HLCS: variants seen among roughly 807,000 people sequenced by gnomAD.
HLCS encodes the protein biotin--protein ligase.
Under a neutral mutation model 75.0 loss-of-function variants are expected in HLCS, and 53 were observed. The observed-to-expected ratio is 0.71, with a 90% CI of 0.57 to 0.89. The LOEUF is 0.89. HLCS is among the 40% of genes least tolerant of loss of function. HLCS has a pLI of 0.00. For synonymous variants in HLCS, 431 were observed against 428.6 expected, an observed-to-expected ratio of 1.01 and a Z score of -0.07; for missense variants, 966 against 1,074.0, an observed-to-expected ratio of 0.90 and a Z score of 1.41.
intron 6 of HLCS, among the ~76,000 whole-genome samples, chr21:36,771,142 C>T (rs2060193230): frequency 6.6e-6 from 1 of 152,052 alleles, no homozygotes; most frequent in African/African-American, 2.4e-5. Flanking sequence ...ATGGCGTGAA[C>T]CCGGGAGGCA....
At chr21:36,814,835 A>G (rs150667355) in intron 6 of HLCS, among the ~76,000 whole-genome samples, 1,535 of 152,250 alleles carry the variant, frequency 0.01, 22 homozygotes, top group African/African-American at 0.035. Context: ...CTGGTTCAAA[A>G]TTCGTTTCAC....
intron 6 of HLCS, among the ~76,000 whole-genome samples, chr21:36,813,233 T>C (rs2061562675): frequency 6.6e-6 from 1 of 152,248 alleles, no homozygotes; most frequent in African/African-American, 2.4e-5. Context: ...TTGCTCATGA[T>C]ACTAAGCAAC....
intron 6 of HLCS, among the ~76,000 whole-genome samples, chr21:36,857,107 T>C (rs1451639560): frequency 6.6e-6 from 1 of 152,152 alleles, no homozygotes; most frequent in African/African-American, 2.4e-5. Flanking sequence ...TCTACCAAAA[T>C]AGGTCAAACA....
chr21:36,782,312 T>G (rs190191748), intron 6 of HLCS, among the ~76,000 whole-genome samples: 1 of 152,338 alleles, frequency 6.6e-6, no homozygotes, highest in Non-Finnish European at 1.5e-5. Flanking sequence ...TTTTGATTTC[T>G]TCTTGAAATA....
intron 5 of HLCS, among the ~76,000 whole-genome samples, chr21:36,921,314 G>A (rs574092752): frequency 1.3e-5 from 2 of 152,286 alleles, no homozygotes; most frequent in South Asian, 4.2e-4. Context: ...GCGTGGTGGT[G>A]TGTGCCTATA....
chr21:36,919,485 A>C (rs1022897114), intron 5 of HLCS, among the ~76,000 whole-genome samples: 1 of 152,230 alleles, frequency 6.6e-6, no homozygotes, highest in African/African-American at 2.4e-5. Flanking sequence ...AAGTGTTCCC[A>C]CTGCATACGT....
In HLCS at chr21:36,946,438, C is replaced by T. The variant is rs538346678; in HGVS notation, c.331-7444G>A. On this transcript the variant is annotated intron_variant, in intron 2 of 10. Transcript: ENST00000674895. ...TGTATTTTTTGTAGAGACGAGAATT[C>T]GCTATGTTGCCCAAGCTGGTCTCAA... Among the ~76,000 whole-genome samples, 8 of 151,928 alleles carry T rather than the reference C, an allele frequency of 5.3e-5. No homozygotes were observed. In the East Asian group the frequency reaches 1.4e-3, roughly 26 times the overall value.
intron 10 of HLCS, 115 bp from the exon 11 acceptor site, chr21:36,754,532 G>T: frequency 8.9e-7 from 1 of 1,127,058 alleles, no homozygotes; most frequent in Non-Finnish European, 1.3e-6. Context: ...GAGGGCTGAG[G>T]CTCGCTGCAG....
intron 1 of HLCS, among the ~76,000 whole-genome samples, chr21:36,962,793 C>CAAAAAAAAAA (rs386394699): frequency 1.2e-5 from 1 of 80,220 alleles, no homozygotes; most frequent in African/African-American, 5.1e-5. Flanking sequence ...GACCCTATCT[C>CAAAAAAAAAA]AAAAAAAAAA....
chr21:36,878,555 T>C (rs942441114), intron 6 of HLCS, among the ~76,000 whole-genome samples: 1 of 152,174 alleles, frequency 6.6e-6, no homozygotes, highest in Non-Finnish European at 1.5e-5. Flanking sequence ...AGATCACAGC[T>C]CATTAATAAA....
chr21:36,774,868 T>C (rs1419104776), intron 6 of HLCS, among the ~76,000 whole-genome samples: 2 of 152,250 alleles, frequency 1.3e-5, no homozygotes, highest in African/African-American at 2.4e-5. Context: ...GAAACACTGT[T>C]GGTCAGAGGT....
intron 2 of HLCS, among the ~76,000 whole-genome samples, chr21:36,946,479 C>A (rs1038845035): frequency 6.6e-5 from 10 of 151,956 alleles, no homozygotes; most frequent in Non-Finnish European, 1.5e-4. Context: ...TGAGCTCAAG[C>A]GACCCTCCTG....
At chr21:36,867,698 G>A (rs963008503) in intron 6 of HLCS, among the ~76,000 whole-genome samples, 1 of 152,180 alleles carries the variant, frequency 6.6e-6, no homozygotes, top group African/African-American at 2.4e-5. Flanking sequence ...TGACTGCATG[G>A]AACACTGCAG....
At position 36,945,850 on chromosome 21, in the gene HLCS, AGTTT is replaced by A. The variant is rs759766797; in HGVS notation, c.331-6860_331-6857del. Among the ~76,000 whole-genome samples, 85 of 152,334 alleles carry A rather than the reference AGTTT, an allele frequency of 5.6e-4. 1 individual carries two copies. Among genetic ancestry groups the A allele is most frequent in the African/African-American group, 1.3e-3 (55 of 41,572 alleles). On this transcript the variant is annotated intron_variant, in intron 2 of 10. Transcript: ENST00000674895. The stretch of plus-strand genomic sequence containing the variant: ...AAAACAAAAAGAAAAGAGTCCAGGC[AGTTT>A]GTTTGTCTCTACACTCTTCCAGCAC...
intron 5 of HLCS, among the ~76,000 whole-genome samples, chr21:36,922,178 C>T (rs904071812): frequency 2.6e-5 from 4 of 151,982 alleles, no homozygotes; most frequent in Admixed American, 2.6e-4. Context: ...AGGACAGTAG[C>T]TCCAATGATC....
intron 6 of HLCS, among the ~76,000 whole-genome samples, chr21:36,870,069 C>A (rs1462354973): frequency 6.6e-6 from 1 of 152,212 alleles, no homozygotes; most frequent in Admixed American, 6.5e-5. Context: ...TAATTCCACA[C>A]CAAAGCATGC....
intron 6 of HLCS, among the ~76,000 whole-genome samples, chr21:36,868,494 T>C (rs2063650934): frequency 6.6e-6 from 1 of 152,150 alleles, no homozygotes; most frequent in Admixed American, 6.6e-5. Flanking sequence ...GTATTACTCA[T>C]ACAATTGAAA....
At chr21:36,755,654 C>A (rs1339960991) in intron 10 of HLCS, among the ~76,000 whole-genome samples, 1 of 152,224 alleles carries the variant, frequency 6.6e-6, no homozygotes, top group African/African-American at 2.4e-5. Flanking sequence ...CCTCTTTCGT[C>A]TTCTCTAATC....
intron 9 of HLCS, among the ~76,000 whole-genome samples, chr21:36,758,313 A>G (rs2089684984): frequency 6.6e-6 from 1 of 152,004 alleles, no homozygotes; most frequent in African/African-American, 2.4e-5. Flanking sequence ...TCGCCATGTC[A>G]CTCAGGCTGG....
Sources: gnomAD v4.1 joint callset for allele counts (sites outside exome capture counted in the v4.1 genomes callset) on GRCh38, gnomAD v4.1.1 for gene constraint, MANE v1.5 for transcripts, NCBI Gene and HGNC (gene_info 2026-07-23, HGNC 2026-07-21) for gene names.